ZBTB7C: variants seen among roughly 807,000 people sequenced by gnomAD.
The protein encoded by ZBTB7C is zinc finger and BTB domain containing 7C.
ZBTB7C carries 8 observed loss-of-function variants against 25.7 expected under a neutral mutation model. The ratio of observed to expected loss-of-function variants is 0.31; its 90% CI spans 0.18 to 0.56. The LOEUF (loss-of-function observed/expected upper bound fraction) is 0.56, where lower values mean the gene tolerates loss of function less well. ZBTB7C is among the 20% of genes least tolerant of loss of function. ZBTB7C has a pLI of 0.91. For missense variants in ZBTB7C, 824 were observed against 855.2 expected, an observed-to-expected ratio of 0.96 and a Z score of 0.46; for synonymous variants, 394 against 369.0, an observed-to-expected ratio of 1.07 and a Z score of -0.78.
rs186767144 is a variant in ZBTB7C, at chr18:48,359,668, C to T, written c.-303-21270G>A. Among the ~76,000 whole-genome samples the T allele has an allele frequency of 3.0e-3, 457 of 152,336 alleles. 3 individuals are homozygous for T. Among genetic ancestry groups the T allele is most frequent in the African/African-American group, 0.01 (433 of 41,568 alleles). On this transcript the variant is annotated intron_variant, in intron 1 of 4. Coordinates refer to ENST00000590800, the MANE Select transcript of ZBTB7C (RefSeq NM_001318841.2). ...TGGTGGTGTTAGTTCTGCGATGTCACTTTGTGACTGTAACAGGCTGTCCTT... is the reference window on the plus strand; with the variant it reads ...TGGTGGTGTTAGTTCTGCGATGTCATTTTGTGACTGTAACAGGCTGTCCTT...
intron 3 of ZBTB7C, among the ~76,000 whole-genome samples, chr18:48,094,046 G>A (rs1375346491): frequency 6.6e-6 from 1 of 152,118 alleles, no homozygotes; most frequent in Admixed American, 6.5e-5. Context: ...GCGACAGAGC[G>A]AGACTCCATC....
At chr18:48,394,183 T>C (rs764633227) in intron 1 of ZBTB7C, among the ~76,000 whole-genome samples, 5 of 152,232 alleles carry the variant, frequency 3.3e-5, no homozygotes, top group Non-Finnish European at 5.9e-5. Context: ...ATTTTTAAAA[T>C]GCAGGTGTGT....
intron 3 of ZBTB7C, among the ~76,000 whole-genome samples, chr18:48,061,865 G>T (rs1295971183): frequency 6.6e-6 from 1 of 152,102 alleles, no homozygotes; most frequent in Non-Finnish European, 1.5e-5. Context: ...GCACAGATGG[G>T]CCTATTTACT....
intron 1 of ZBTB7C, among the ~76,000 whole-genome samples, chr18:48,380,833 G>A (rs2047619771): frequency 6.6e-6 from 1 of 152,154 alleles, no homozygotes; most frequent in Non-Finnish European, 1.5e-5. Flanking sequence ...ATTAAGAATA[G>A]GGCAACTGGG....
chr18:48,271,336 C>T (rs983274810), intron 2 of ZBTB7C, among the ~76,000 whole-genome samples: 11 of 151,888 alleles, frequency 7.2e-5, no homozygotes, highest in African/African-American at 2.4e-4. Flanking sequence ...GGCAAAAATC[C>T]TATTTTTAAA....
At chr18:48,258,193 A>G (rs1346604881) in intron 2 of ZBTB7C, among the ~76,000 whole-genome samples, 2 of 152,216 alleles carry the variant, frequency 1.3e-5, no homozygotes, top group Non-Finnish European at 2.9e-5. Flanking sequence ...TATCCACTCT[A>G]ACTACTCCTA....
At chr18:48,248,499 T>C (rs2043758907) in intron 2 of ZBTB7C, among the ~76,000 whole-genome samples, 2 of 152,206 alleles carry the variant, frequency 1.3e-5, no homozygotes, top group Non-Finnish European at 1.5e-5. Context: ...ACTTTGTCAG[T>C]GGCCTGTCCT....
At chr18:48,257,674 A>G (rs1289721697) in intron 2 of ZBTB7C, among the ~76,000 whole-genome samples, 1 of 152,204 alleles carries the variant, frequency 6.6e-6, no homozygotes, top group East Asian at 1.9e-4. Flanking sequence ...AGCAAATAGA[A>G]TTTGACAATA....
At chr18:48,293,565 T>G (rs1012402318) in intron 2 of ZBTB7C, among the ~76,000 whole-genome samples, 11 of 152,164 alleles carry the variant, frequency 7.2e-5, no homozygotes, top group African/African-American at 2.7e-4. Flanking sequence ...ACTAATAAAC[T>G]TCAAAATGGC....
intron 4 of ZBTB7C, among the ~76,000 whole-genome samples, chr18:48,034,518 G>A (rs1245277955): frequency 6.6e-6 from 1 of 151,952 alleles, no homozygotes; most frequent in Non-Finnish European, 1.5e-5. Flanking sequence ...CTTCCTCCCA[G>A]CCCTCCTCCT....
Position 48,034,171 on chromosome 18 carries a change from G to A in ZBTB7C, c.1209-4260C>T, listed in dbSNP as rs552084745. Among the ~76,000 whole-genome samples the A allele has an allele frequency of 1.0e-3, 154 of 152,184 alleles. 1 individual carries two copies. The highest frequency in any genetic ancestry group is 1.9e-3 in the Non-Finnish European group (129 of 67,984). ...GCAGTTCCACTTAAAACTTCCCAAGGCCCCCTTGTCCAATGGCCTGTGTGC... is the reference window on the plus strand; with the variant it reads ...GCAGTTCCACTTAAAACTTCCCAAGACCCCCTTGTCCAATGGCCTGTGTGC... On this transcript the variant is annotated intron_variant, in intron 4 of 4. Transcript: ENST00000590800.
intron 2 of ZBTB7C, among the ~76,000 whole-genome samples, chr18:48,237,399 A>G (rs564743013): frequency 1.9e-3 from 292 of 152,206 alleles, no homozygotes; most frequent in African/African-American, 6.7e-3. Flanking sequence ...GGGAGCTGAG[A>G]CTCCCAACCA....
At position 48,029,856 on chromosome 18, in the gene ZBTB7C, A is replaced by C. The variant is rs749393214; in HGVS notation, c.1264T>G (p.Cys422Gly). Residue 422 changes from cysteine (C) to glycine (G), a missense_variant, in exon 5 of 5, where the codon TGC becomes GGC. Coordinates refer to ENST00000590800, the MANE Select transcript of ZBTB7C (RefSeq NM_001318841.2). ...ACGAACTTGGCGTTGCAGTGGATGC[A>C]CAGGTAGGGCCGCTCCCCTGTGTGC... ...RKHTGERPYL[C>G]IHCNAKFVHN... 1.2e-6 allele frequency: 2 copies of C among 1,611,116 alleles called. No individual in the cohort carries two copies. The highest frequency in any genetic ancestry group is 1.7e-6 in the Non-Finnish European group (2 of 1,179,992).
chr18:48,238,159 T>C (rs1039968314), intron 2 of ZBTB7C, among the ~76,000 whole-genome samples: 2 of 152,218 alleles, frequency 1.3e-5, no homozygotes, highest in African/African-American at 2.4e-5. Flanking sequence ...ATTCTGATAA[T>C]GTTCCTTTTC....
chr18:48,185,239 C>T, intron 3 of ZBTB7C: 3 of 394,786 alleles, frequency 7.6e-6, no homozygotes, highest in South Asian at 5.9e-5. Flanking sequence ...GTTCAAGCCT[C>T]TCCTTCTCCA....
chr18:48,209,857 G>A (rs2042663080), intron 2 of ZBTB7C, among the ~76,000 whole-genome samples: 1 of 151,968 alleles, frequency 6.6e-6, no homozygotes, highest in Non-Finnish European at 1.5e-5. Context: ...GGGTTTTAAT[G>A]GACACCATCA....
intron 3 of ZBTB7C, among the ~76,000 whole-genome samples, chr18:48,119,945 T>G (rs6507815): frequency 1.3e-5 from 2 of 151,980 alleles, no homozygotes; most frequent in Non-Finnish European, 2.9e-5. Context: ...GTTGAAGGGA[T>G]AAGCTGGACA....
chr18:48,353,900 C>T lies in ZBTB7C; in HGVS notation c.-303-15502G>A, dbSNP rs75379723. Among the ~76,000 whole-genome samples, 1,042 of 152,270 alleles carry T rather than the reference C, an allele frequency of 6.8e-3. 6 individuals carry two copies. The highest frequency in any genetic ancestry group is 0.028 in the East Asian group (145 of 5,190). On this transcript the variant is annotated intron_variant, in intron 1 of 4. Transcript: ENST00000590800. ...CAGGAGGGGGGTCCAAAGGGCCATC[C>T]TGCATTTTCCATTGCAGCAGGGTGG...
chr18:48,216,647 A>G (rs1398519721), intron 2 of ZBTB7C, among the ~76,000 whole-genome samples: 2 of 151,980 alleles, frequency 1.3e-5, no homozygotes, highest in East Asian at 3.9e-4. Flanking sequence ...TCCCCCTGAC[A>G]ACTTCTCATC....
Sources: allele counts gnomAD v4.1 joint callset (sites outside exome capture counted in the v4.1 genomes callset), GRCh38; gene constraint gnomAD v4.1.1; transcripts MANE v1.5; gene names NCBI Gene and HGNC (gene_info 2026-07-23, HGNC 2026-07-21).